Variants in CD6 observed in about 807,000 individuals in gnomAD.
CD6 encodes CD6 molecule.
CD6 carries 53 observed loss-of-function variants against 75.3 expected under a neutral mutation model. That is an observed-to-expected ratio of 0.70 (90% CI 0.56 to 0.88). CD6 has a LOEUF of 0.88. Among genes scored for constraint, CD6 ranks in the 40% least tolerant of loss-of-function variants. The pLI is 0.00. For missense variants in CD6, 770 were observed against 897.1 expected (o/e 0.86, Z 1.81); for synonymous variants, 359 against 381.5 (o/e 0.94, Z 0.69).
intron 9 of CD6, 38 bp from the exon 10 acceptor site, chr11:61,017,441 G>A (rs761839480): frequency 1.0e-5 from 15 of 1,494,406 alleles, no homozygotes; most frequent in Non-Finnish European, 1.3e-5. Flanking sequence ...TGATGAGGTT[G>A]AGCCTTCACC....
intron 1 of CD6, among the ~76,000 whole-genome samples, chr11:60,998,957 G>A (rs1188195382): frequency 1.3e-5 from 2 of 151,844 alleles, no homozygotes; most frequent in African/African-American, 4.8e-5. Context: ...TCAGGAGTTC[G>A]AGACCAGCCT....
chr11:61,010,026 C>G, intron 5 of CD6, 152 bp downstream of exon 5: 1 of 695,892 alleles, frequency 1.4e-6, no homozygotes. Context: ...GGTGCCCAGG[C>G]AGACAGTGCT....
chr11:61,018,358 C>A lies in CD6; in HGVS notation c.1907C>A (p.Pro636His). ...TGGTACCAGAACTTCCAGCCACCACCCCAGCCCCCTTCGGAGGAGCAGTTT... is the reference window on the plus strand; with the variant it reads ...TGGTACCAGAACTTCCAGCCACCACACCAGCCCCCTTCGGAGGAGCAGTTT... ...GEWYQNFQPP[P>H]QPPSEEQFGC... is the part of the protein sequence containing the mutation. Residue 636 changes from proline (P) to histidine (H), a missense_variant, in exon 12 of 13, where the codon CCC (proline) becomes CAC (histidine). Physicochemically the swap from Pro to His is moderately conservative, Grantham distance 77 (BLOSUM62 -2). Transcript: ENST00000313421. The A allele has an allele frequency of 6.2e-7, 1 of 1,606,068 alleles. No individual in the cohort carries two copies. The highest frequency in any genetic ancestry group is 8.5e-7 in the Non-Finnish European group (1 of 1,176,308).
intron 1 of CD6, among the ~76,000 whole-genome samples, chr11:60,986,432 G>A (rs1169117833): frequency 6.6e-6 from 1 of 152,218 alleles, no homozygotes; most frequent in Non-Finnish European, 1.5e-5. Flanking sequence ...CCTTGGGCAA[G>A]TTCCCAAAGC....
intron 11 of CD6, 98 bp from the exon 12 acceptor site, chr11:61,018,191 G>C: frequency 7.7e-7 from 1 of 1,300,770 alleles, no homozygotes; most frequent in Non-Finnish European, 1.1e-6. Flanking sequence ...TGCCAAGCTA[G>C]GGACTTGGCT....
In CD6 at chr11:61,013,575, G is replaced by A. The variant is rs1177529440; in HGVS notation, c.1291+12G>A. 13 of 1,613,450 alleles carry A rather than the reference G, an allele frequency of 8.1e-6. No individual in the cohort carries two copies. Among genetic ancestry groups the A allele is most frequent in the African/African-American group, 4.0e-5 (3 of 74,892 alleles). ...TAAAGGAAAATATGGTAAGTGCAAG[G>A]TTCTGGGAGCCATGGCCATCCCAGG... is the stretch of plus-strand genomic sequence containing the variant. On this transcript the variant is annotated intron_variant, in intron 7 of 12. Coordinates refer to ENST00000313421, the MANE Select transcript of CD6 (RefSeq NM_006725.5).
In CD6 at chr11:60,974,862, C is replaced by T. The variant is rs1015383844; in HGVS notation, c.49+2948C>T. ...TTTTCTCATCAGTGGAAGGGGGGTG[C>T]TCTGTCAGACAATCTATAAGAAAGC... is the stretch of plus-strand genomic sequence containing the variant. On this transcript the variant is annotated intron_variant, in intron 1 of 12. Transcript: ENST00000313421. Among the ~76,000 whole-genome samples, 4 of 152,126 alleles carry T rather than the reference C, an allele frequency of 2.6e-5. No homozygotes were observed. In the South Asian group the frequency reaches 6.2e-4, roughly 24 times the overall value.
chr11:61,019,636 G>A lies in CD6; in HGVS notation c.*318G>A. The A allele has an allele frequency of 3.2e-6, 1 of 312,982 alleles. No individual in the cohort carries two copies. The allele number at this position is 312,982 out of a possible 1,614,324, so 19.4% of individuals were successfully genotyped here. ...TTGACAGCTGGTGGAGGGGAGTTGGGGAGCTGGACTGGATGACTCTGGAGG... is the reference window on the plus strand; with the variant it reads ...TTGACAGCTGGTGGAGGGGAGTTGGAGAGCTGGACTGGATGACTCTGGAGG... On this transcript the variant is annotated 3_prime_UTR_variant, in exon 13 of 13. Transcript: ENST00000313421.
Position 61,019,971 on chromosome 11 carries a change from G to C in CD6, c.*653G>C, listed in dbSNP as rs1859595547. The stretch of plus-strand genomic sequence containing the variant: ...CCCCAACCAAGGAGCTGGGGCCCAA[G>C]GCCAGTCCTGCCCCAGAGACACTCC... On this transcript the variant is annotated 3_prime_UTR_variant, in exon 13 of 13. Transcript: ENST00000313421. 2.5e-6 allele frequency: 1 copy of C among 396,216 alleles called. No homozygotes were observed. Among genetic ancestry groups the C allele is most frequent in the Non-Finnish European group, 4.4e-6 (1 of 225,222 alleles). 24.5% of individuals were successfully genotyped at this position (396,216 alleles called of 1,614,324 possible). A position where few individuals can be genotyped will look rare whatever the true frequency, so the allele number is the denominator to read the frequency against.
In CD6 at chr11:61,009,816, G is replaced by A; in HGVS notation, c.1026G>A (p.Trp342Ter). 1 of 1,598,092 alleles carries A rather than the reference G, an allele frequency of 6.3e-7. No individual in the cohort carries two copies. The highest frequency in any genetic ancestry group is 8.5e-7 in the Non-Finnish European group (1 of 1,170,914). ...GEELTLSNCS[W>*]RFNNSNLCSQ... The stretch of plus-strand genomic sequence containing the variant: ...AGCTCACCCTCTCCAACTGCTCCTG[G>A]CGGTTCAACAACTCCAACCTCTGCA... Residue 342 changes from tryptophan to a stop codon, truncating the protein, a stop_gained, in exon 5 of 13, where the codon TGG (tryptophan) becomes TGA (stop). Coordinates refer to ENST00000313421, the MANE Select transcript of CD6 (RefSeq NM_006725.5). LOFTEE classifies it high-confidence loss of function.
At position 61,020,069 on chromosome 11, in the gene CD6, A is replaced by G. The variant is rs1341641668; in HGVS notation, c.*751A>G. 1 of 398,272 alleles carries G rather than the reference A, an allele frequency of 2.5e-6. No homozygotes were observed. The highest frequency in any genetic ancestry group is 4.4e-6 in the Non-Finnish European group (1 of 226,090). 24.7% of individuals were successfully genotyped at this position (398,272 alleles called of 1,614,324 possible). On this transcript the variant is annotated 3_prime_UTR_variant, in exon 13 of 13. Coordinates refer to ENST00000313421, the MANE Select transcript of CD6 (RefSeq NM_006725.5). ...AATGGGTCTTTATTCTGAGTTTCCT[A>G]TGGTTTACAAAGAGGGCCCCAGCCC...
rs573317991 is a variant in CD6, at chr11:60,978,261, C to T, written c.49+6347C>T. ...CCCCTGACAAGACTGAGCCTGGGGA[C>T]GCTGACTGCTCTGCAGCCTGGGGTT... On this transcript the variant is annotated intron_variant, in intron 1 of 12. Transcript: ENST00000313421. Among the ~76,000 whole-genome samples the T allele has an allele frequency of 2.4e-4, 37 of 152,290 alleles. 1 individual carries two copies. The South Asian group carries it at 2.9e-3, about 12-fold the overall frequency.
intron 12 of CD6, 98 bp downstream of exon 12, chr11:61,018,491 G>C: frequency 1.1e-6 from 1 of 946,380 alleles, no homozygotes. Context: ...AAGGGGAAAA[G>C]GAGAAAGGAA....
At chr11:61,015,876 A>G in intron 9 of CD6, 41 bp downstream of exon 9, 4 of 1,610,442 alleles carry the variant, frequency 2.5e-6, no homozygotes, top group Non-Finnish European at 3.4e-6. Flanking sequence ...ACCTACCTGA[A>G]TCTGGGAGGG....
At chr11:61,010,512 C>G (rs1392246531) in intron 5 of CD6, among the ~76,000 whole-genome samples, 2 of 152,180 alleles carry the variant, frequency 1.3e-5, no homozygotes, top group African/African-American at 4.8e-5. Context: ...ATGGTATTTG[C>G]ATTCTTACGG....
intron 1 of CD6, among the ~76,000 whole-genome samples, chr11:60,974,863 T>C (rs1484458613): frequency 6.6e-6 from 1 of 152,168 alleles, no homozygotes; most frequent in Non-Finnish European, 1.5e-5. Flanking sequence ...AGGGGGGTGC[T>C]CTGTCAGACA....
At position 61,007,834 on chromosome 11, in the gene CD6, C is replaced by T. The variant is rs989625260; in HGVS notation, c.393C>T (p.Gly131=). ...LAGAPALLCS[G]AEWRLCEVVE... ...GGGCGCCCGCCCTCCTGTGCAGCGG[C>T]GCCGAGTGGCGGCTCTGCGAGGTGG... is the stretch of plus-strand genomic sequence containing the variant. Residue 131 remains glycine (G), a synonymous_variant, in exon 3 of 13, where the codon GGC becomes GGT. Coordinates refer to ENST00000313421, the MANE Select transcript of CD6 (RefSeq NM_006725.5). The surrounding 1 kb of genome is among the most constrained non-coding windows in gnomAD (Gnocchi z 4.2). 9.1e-6 allele frequency: 13 copies of T among 1,433,460 alleles called. No individual in the cohort carries two copies. In the African/African-American group the frequency reaches 1.8e-4, roughly 20 times the overall value. 88.8% of individuals were successfully genotyped at this position (1,433,460 alleles called of 1,614,324 possible).
At chr11:61,012,662 C>G (rs1317995845) in intron 6 of CD6, among the ~76,000 whole-genome samples, 1 of 152,212 alleles carries the variant, frequency 6.6e-6, no homozygotes, top group Non-Finnish European at 1.5e-5. Context: ...ACCCTCCTCA[C>G]TGACCCCTGT....
Position 61,017,683 on chromosome 11 carries a change from G to C in CD6, c.1583-76G>C, listed in dbSNP as rs1451236385. On this transcript the variant is annotated intron_variant, in intron 10 of 12. Coordinates refer to ENST00000313421, the MANE Select transcript of CD6 (RefSeq NM_006725.5). ...CTTTCACAAATCCTATAGGCAGTAAGTGCTTTCTGAAGTCTGACTTAAAGC... is the reference window on the plus strand; with the variant it reads ...CTTTCACAAATCCTATAGGCAGTAACTGCTTTCTGAAGTCTGACTTAAAGC... 6.1e-5 allele frequency: 97 copies of C among 1,598,740 alleles called. 1 individual carries two copies. Among genetic ancestry groups the C allele is most frequent in the Non-Finnish European group, 1.2e-5 (14 of 1,167,230 alleles).
Sources: gnomAD v4.1 joint callset for allele counts (sites outside exome capture counted in the v4.1 genomes callset) on GRCh38, gnomAD v4.1.1 for gene constraint, Gnocchi (gnomAD v3.1) non-coding constraint, MANE v1.5 for transcripts, NCBI Gene and HGNC (gene_info 2026-07-23, HGNC 2026-07-21) for gene names.